Variants in LDLRAD4 observed in about 807,000 individuals in gnomAD.
The protein encoded by LDLRAD4 is low density lipoprotein receptor class A domain containing 4, also known as low-density lipoprotein receptor class A domain-containing protein 4.
LDLRAD4 carries 5 observed loss-of-function variants against 17.0 expected under a neutral mutation model. The ratio of observed to expected loss-of-function variants is 0.29; its 90% confidence interval spans 0.15 to 0.62. The LOEUF (loss-of-function observed/expected upper bound fraction) is 0.62, where lower values mean the gene tolerates loss of function less well. Ranked by LOEUF, LDLRAD4 falls within the 20% of genes least tolerant of loss-of-function variation. The probability of loss-of-function intolerance (pLI) is 0.84; values close to 1 mark genes in which losing one functional copy is unlikely to be tolerated. For missense variants in LDLRAD4, 340 were observed against 424.7 expected, an observed-to-expected ratio of 0.80 and a Z score of 1.75; for synonymous variants, 168 against 171.8, an observed-to-expected ratio of 0.98 and a Z score of 0.17.
At chr18:13,599,551 C>T (rs981503553) in intron 3 of LDLRAD4, among the ~76,000 whole-genome samples, 7 of 140,496 alleles carry the variant, frequency 5.0e-5, no homozygotes, top group Non-Finnish European at 9.0e-5. Flanking sequence ...AGTGTAGTGG[C>T]GTGATCACGG....
intron 3 of LDLRAD4, among the ~76,000 whole-genome samples, chr18:13,449,041 G>C (rs2091620620): frequency 6.6e-6 from 1 of 152,168 alleles, no homozygotes; most frequent in Non-Finnish European, 1.5e-5. Flanking sequence ...GCTAATAACA[G>C]AGGGAAAAGA....
chr18:13,429,349 G>A (rs978662525), intron 2 of LDLRAD4, among the ~76,000 whole-genome samples: 1 of 152,206 alleles, frequency 6.6e-6, no homozygotes, highest in African/African-American at 2.4e-5. Flanking sequence ...ATTAAACTGT[G>A]GGAGCAGAGA....
At chr18:13,232,665 T>C (rs760853059) in intron 1 of LDLRAD4, among the ~76,000 whole-genome samples, 40 of 152,352 alleles carry the variant, frequency 2.6e-4, no homozygotes, top group Middle Eastern at 3.4e-3. Flanking sequence ...GCTCTGACTC[T>C]TCCGCTGTGG....
At chr18:13,284,967 A>G (rs938330646) in intron 1 of LDLRAD4, among the ~76,000 whole-genome samples, 1 of 152,164 alleles carries the variant, frequency 6.6e-6, no homozygotes, top group Admixed American at 6.5e-5. Context: ...GGCATGTCGG[A>G]CGGGCTGTGC....
intron 3 of LDLRAD4, among the ~76,000 whole-genome samples, chr18:13,458,035 C>G (rs2092236004): frequency 6.6e-6 from 1 of 152,138 alleles, no homozygotes; most frequent in South Asian, 2.1e-4. Flanking sequence ...GACTTCTTTG[C>G]TTTTCCTAAT....
chr18:13,651,050 G>T (rs189633849), exon 6 of LDLRAD4: 1 of 152,330 alleles, frequency 6.6e-6, no homozygotes, highest in Admixed American at 6.5e-5. Context: ...TGCTCAGCTG[G>T]ACCAGTGTTA....
chr18:13,509,572 A>G (rs925045262), intron 3 of LDLRAD4, among the ~76,000 whole-genome samples: 1 of 152,240 alleles, frequency 6.6e-6, no homozygotes, highest in Non-Finnish European at 1.5e-5. Context: ...ACTCCTGGTG[A>G]AAATGCTGTG....
intron 2 of LDLRAD4, among the ~76,000 whole-genome samples, chr18:13,418,339 G>A (rs1055732463): frequency 4.6e-5 from 7 of 152,358 alleles, no homozygotes; most frequent in African/African-American, 1.7e-4. Flanking sequence ...TGGTTCCAGG[G>A]ACCCAAAGTC....
chr18:13,645,760 A>G lies in LDLRAD4; in HGVS notation c.*103A>G. 1.2e-6 allele frequency: 1 copy of G among 840,192 alleles called. No homozygotes were observed. The highest frequency in any genetic ancestry group is 1.7e-6 in the Non-Finnish European group (1 of 575,922). 52.0% of individuals were successfully genotyped at this position (840,192 alleles called of 1,614,324 possible). A position where few individuals can be genotyped will look rare whatever the true frequency, so the allele number is the denominator to read the frequency against. ...TTGTTCAGTTTCACATGGTACAAATAAGTAAAACCAAATGAGCAAACACGG... is the reference window on the plus strand; with the variant it reads ...TTGTTCAGTTTCACATGGTACAAATGAGTAAAACCAAATGAGCAAACACGG... On this transcript the variant is annotated 3_prime_UTR_variant, in exon 6 of 6. Transcript: ENST00000359446. The surrounding 1 kb of genome is among the most constrained non-coding windows in gnomAD (Gnocchi z 5.7).
At chr18:13,400,468 G>A (rs2087080515) in intron 2 of LDLRAD4, among the ~76,000 whole-genome samples, 1 of 152,212 alleles carries the variant, frequency 6.6e-6, no homozygotes, top group South Asian at 2.1e-4. Flanking sequence ...GGGCTGCTGG[G>A]TGTGGGGCCC....
intron 3 of LDLRAD4, among the ~76,000 whole-genome samples, chr18:13,512,942 C>G (rs1251959452): frequency 6.6e-6 from 1 of 152,150 alleles, no homozygotes; most frequent in African/African-American, 2.4e-5. Context: ...TCTCTCACTG[C>G]CTTTTGGACT....
chr18:13,331,952 C>G (rs2081886929), intron 1 of LDLRAD4, among the ~76,000 whole-genome samples: 1 of 152,244 alleles, frequency 6.6e-6, no homozygotes, highest in South Asian at 2.1e-4. Context: ...CTTCCTGCCT[C>G]AGCCTCCCAA....
At chr18:13,314,585 A>C (rs1429785309) in intron 1 of LDLRAD4, among the ~76,000 whole-genome samples, 1 of 152,216 alleles carries the variant, frequency 6.6e-6, no homozygotes, top group Admixed American at 6.5e-5. Context: ...GGCTGAACGC[A>C]GTGTTCTGTG....
intron 3 of LDLRAD4, chr18:13,612,350 G>C: frequency 8.8e-7 from 1 of 1,131,084 alleles, no homozygotes; most frequent in Non-Finnish European, 1.1e-6. Context: ...GCTGGTCTCA[G>C]GATCGGAGAC....
chr18:13,564,724 G>A (rs930564868), intron 3 of LDLRAD4, among the ~76,000 whole-genome samples: 16 of 151,644 alleles, frequency 1.1e-4, no homozygotes, highest in African/African-American at 3.9e-4. Context: ...TGGCGGGGCC[G>A]TGAGTCTGGA....
intron 5 of LDLRAD4, among the ~76,000 whole-genome samples, chr18:13,643,906 A>G (rs1178823260): frequency 2.0e-5 from 3 of 152,254 alleles, no homozygotes; most frequent in African/African-American, 7.2e-5. Flanking sequence ...CTATGCATAT[A>G]TGCGTGTGTG....
chr18:13,500,696 C>T (rs1568263314), intron 3 of LDLRAD4: 1 of 152,174 alleles, frequency 6.6e-6, no homozygotes, highest in Non-Finnish European at 1.5e-5. Flanking sequence ...AGAAAATCTA[C>T]ATCAGAGGAA....
chr18:13,407,134 C>T (rs957481365), intron 2 of LDLRAD4, among the ~76,000 whole-genome samples: 3 of 151,820 alleles, frequency 2.0e-5, no homozygotes, highest in Non-Finnish European at 2.9e-5. Context: ...TAGGATGCCC[C>T]GGGATATCAG....
intron 1 of LDLRAD4, among the ~76,000 whole-genome samples, chr18:13,318,971 G>T (rs1170817832): frequency 6.6e-6 from 1 of 152,192 alleles, no homozygotes; most frequent in African/African-American, 2.4e-5. Context: ...TTTAAATGAG[G>T]AGAGCTTAAG....
Sources: allele counts gnomAD v4.1 joint callset (sites outside exome capture counted in the v4.1 genomes callset), GRCh38; gene constraint gnomAD v4.1.1; non-coding constraint Gnocchi (gnomAD v3.1); transcripts MANE v1.5; gene names NCBI Gene and HGNC (gene_info 2026-07-23, HGNC 2026-07-21).